The following ATR variants were observed in gnomAD, a reference collection of about 807,000 sequenced individuals.
The protein encoded by ATR is serine/threonine-protein kinase ATR.
In ATR, 142 loss-of-function variants were observed where a neutral mutation model predicts 305.3. That is an observed-to-expected ratio of 0.47 (90% CI 0.41 to 0.53). The LOEUF is 0.53. Among genes scored for constraint, ATR ranks in the 20% least tolerant of loss-of-function variants. ATR has a pLI of 0.00. For missense variants in ATR, 2,135 were observed against 3,133.1 expected (o/e 0.68, Z 7.60); for synonymous variants, 1,050 against 1,068.1 (o/e 0.98, Z 0.33).
chr3:142,517,112 T>A (rs2032901882), intron 24 of ATR, among the ~76,000 whole-genome samples: 1 of 151,322 alleles, frequency 6.6e-6, no homozygotes, highest in African/African-American at 2.4e-5. Flanking sequence ...CTATTTTGAA[T>A]CATCACGCGT....
At chr3:142,564,525 C>A (rs1330160916) in intron 3 of ATR, among the ~76,000 whole-genome samples, 4 of 152,278 alleles carry the variant, frequency 2.6e-5, no homozygotes, top group Non-Finnish European at 5.9e-5. Context: ...GTCATTCTTT[C>A]AACTAAAATT....
chr3:142,492,029 T>C (rs1189932109), intron 35 of ATR, among the ~76,000 whole-genome samples: 2 of 152,248 alleles, frequency 1.3e-5, no homozygotes, highest in East Asian at 3.8e-4. Context: ...ATTTTTACAT[T>C]GTCAAGTTTT....
chr3:142,569,069 G>T (rs1265735688), intron 1 of ATR, among the ~76,000 whole-genome samples: 2 of 152,168 alleles, frequency 1.3e-5, no homozygotes, highest in Non-Finnish European at 2.9e-5. Flanking sequence ...CTGGAAGCCT[G>T]GCTGCCAGTT....
intron 3 of ATR, among the ~76,000 whole-genome samples, chr3:142,565,733 T>TAAA (rs55690216): frequency 0.017 from 1,337 of 79,170 alleles, 18 homozygotes; most frequent in East Asian, 0.094. Flanking sequence ...CTGTCTTATT[T>TAAA]AAAAAAAAAA....
At chr3:142,508,199 T>TG in intron 27 of ATR, 90 bp from the exon 28 acceptor site, 5 of 1,061,658 alleles carry the variant, frequency 4.7e-6, no homozygotes, top group Non-Finnish European at 6.8e-6. Flanking sequence ...TTTATTTCAC[T>TG]AAACAAATTA....
intron 35 of ATR, 150 bp from the exon 36 acceptor site, chr3:142,485,432 G>A: frequency 2.0e-6 from 2 of 1,012,254 alleles, no homozygotes; most frequent in South Asian, 3.3e-5. Flanking sequence ...ATGTGGAAAA[G>A]GAATAGCTAA....
At chr3:142,504,968 C>T (rs1158699620) in intron 29 of ATR, among the ~76,000 whole-genome samples, 171 bp downstream of exon 29, 2 of 151,886 alleles carry the variant, frequency 1.3e-5, no homozygotes. Flanking sequence ...TGCTTGAGCC[C>T]GGGAGACAGA....
At chr3:142,576,327 T>C (rs1023987195) in intron 1 of ATR, among the ~76,000 whole-genome samples, 12 of 152,346 alleles carry the variant, frequency 7.9e-5, no homozygotes, top group Admixed American at 2.0e-4. Flanking sequence ...AGTGTGGATG[T>C]TGAGTAAGCA....
At position 142,465,086 on chromosome 3, in the gene ATR, T is replaced by C; in HGVS notation, c.7041+11A>G. 1.4e-6 allele frequency: 2 copies of C among 1,424,532 alleles called. No individual in the cohort carries two copies. Among genetic ancestry groups the C allele is most frequent in the Admixed American group, 2.5e-5 (1 of 39,620 alleles). The allele number at this position is 1,424,532 out of a possible 1,614,324, so 88.2% of individuals were successfully genotyped here. On this transcript the variant is annotated intron_variant, in intron 41 of 46. Transcript: ENST00000350721. Reference sequence around the variant, plus strand: ...ATAAATAAATAAAATAAAAGCAAACTATCTCCCAACCTTATTAATCAAGGA... The same window carrying C: ...ATAAATAAATAAAATAAAAGCAAACCATCTCCCAACCTTATTAATCAAGGA...
At chr3:142,502,430 AC>A (rs1424536279) in intron 30 of ATR, among the ~76,000 whole-genome samples, 1 of 151,826 alleles carries the variant, frequency 6.6e-6, no homozygotes, top group Non-Finnish European at 1.5e-5. Context: ...ACACATGGAC[AC>A]AAAAATGGGA....
At chr3:142,478,094 C>T in intron 36 of ATR, among the ~76,000 whole-genome samples, 1 of 152,122 alleles carries the variant, frequency 6.6e-6, no homozygotes, top group East Asian at 1.9e-4. Flanking sequence ...TCTCCTTCAG[C>T]TCTGCTCTGA....
chr3:142,477,296 C>G (rs2029925641), intron 36 of ATR, among the ~76,000 whole-genome samples: 1 of 152,140 alleles, frequency 6.6e-6, no homozygotes, highest in South Asian at 2.1e-4. Context: ...GAGTTTTTAG[C>G]ATGAAGGGCT....
rs1482633988 is a variant in ATR, at chr3:142,553,205, CCAGA to C, written c.2805+18_2805+21del. 1.2e-6 allele frequency: 2 copies of C among 1,612,604 alleles called. No individual in the cohort carries two copies. The highest frequency in any genetic ancestry group is 2.2e-5 in the South Asian group (2 of 91,026). Reference sequence around the variant, plus strand: ...AAAAAGTACTGCTGTTGCCTATAGTCCAGACAAACGCTGACTCTTACCTGACAGA... The same window carrying C: ...AAAAAGTACTGCTGTTGCCTATAGTCCAAACGCTGACTCTTACCTGACAGA... On this transcript the variant is annotated intron_variant, in intron 13 of 46. Coordinates refer to ENST00000350721, the MANE Select transcript of ATR (RefSeq NM_001184.4).
intron 14 of ATR, 36 bp from the exon 15 acceptor site, chr3:142,549,709 T>C (rs762037131): frequency 1.3e-6 from 2 of 1,591,858 alleles, no homozygotes; most frequent in Admixed American, 1.7e-5. Context: ...AAAAGTACAT[T>C]TGTCTGGGTG....
chr3:142,494,942 A>G (rs1337838199), intron 34 of ATR, among the ~76,000 whole-genome samples: 1 of 152,212 alleles, frequency 6.6e-6, no homozygotes, highest in Non-Finnish European at 1.5e-5. Context: ...TAAAGTCATA[A>G]GTTAAAGCAG....
At chr3:142,558,273 A>G (rs1007693248) in intron 8 of ATR, among the ~76,000 whole-genome samples, 1 of 152,108 alleles carries the variant, frequency 6.6e-6, no homozygotes, top group Non-Finnish European at 1.5e-5. Flanking sequence ...CTGTAATCCT[A>G]GCACTTTAGA....
intron 36 of ATR, among the ~76,000 whole-genome samples, chr3:142,480,788 G>A (rs185184807): frequency 1.5e-3 from 223 of 152,274 alleles, no homozygotes; most frequent in Middle Eastern, 6.8e-3. Context: ...CAGCAATGGC[G>A]GGCACTCCTC....
At chr3:142,471,033 A>G (rs2071250955) in intron 36 of ATR, among the ~76,000 whole-genome samples, 1 of 152,034 alleles carries the variant, frequency 6.6e-6, no homozygotes, top group South Asian at 2.1e-4. Flanking sequence ...AATCATCACC[A>G]CCATTCCCCC....
chr3:142,455,475 A>G (rs949324268), intron 45 of ATR, among the ~76,000 whole-genome samples: 1 of 152,234 alleles, frequency 6.6e-6, no homozygotes, highest in East Asian at 1.9e-4. Flanking sequence ...GAAAAAAAGC[A>G]AAGTTGGAAC....
Sources: gnomAD v4.1 joint callset for allele counts (sites outside exome capture counted in the v4.1 genomes callset) on GRCh38, gnomAD v4.1.1 for gene constraint, MANE v1.5 for transcripts, NCBI Gene and HGNC (gene_info 2026-07-23, HGNC 2026-07-21) for gene names.